CCDC141: variants seen among roughly 807,000 people sequenced by gnomAD.
CCDC141 encodes coiled-coil domain containing 141, also known as coiled-coil domain-containing protein 141.
In CCDC141, 168 loss-of-function variants were observed where a neutral mutation model predicts 181.0. The ratio of observed to expected loss-of-function variants is 0.93; its 90% CI spans 0.82 to 1.05. The LOEUF (loss-of-function observed/expected upper bound fraction) is 1.05. Among genes scored for constraint, CCDC141 ranks in the 50% least tolerant of loss-of-function variants. CCDC141 has a pLI of 0.00. For missense variants in CCDC141, 1,902 were observed against 1,788.5 expected, an observed-to-expected ratio of 1.06 and a Z score of -1.14; for synonymous variants, 666 against 642.3, an observed-to-expected ratio of 1.04 and a Z score of -0.56.
Position 178,884,984 on chromosome 2 carries a change from CT to C in CCDC141, c.1635del (p.Glu546AsnfsTer2). On this transcript the variant is annotated frameshift_variant, in exon 11 of 24. Transcript: ENST00000443758. LOFTEE classifies it high-confidence loss of function. ...SLSSKARWLA[E>X]ELNLFGQSID... ...ATGCTTTGGCCAAATAGGTTTAATT[CT>C]TCTGCTAGCCATCTAGCTTTAGAGG... 6.4e-7 allele frequency: 1 copy of C among 1,550,428 alleles called. No homozygotes were observed. Among genetic ancestry groups the C allele is most frequent in the Non-Finnish European group, 8.7e-7 (1 of 1,146,862 alleles).
At chr2:178,891,074 T>C (rs1687126150) in intron 8 of CCDC141, among the ~76,000 whole-genome samples, 1 of 152,182 alleles carries the variant, frequency 6.6e-6, no homozygotes, top group Non-Finnish European at 1.5e-5. Flanking sequence ...TCAAGTCTCT[T>C]TGCTACCTGA....
rs76989173 is a variant in CCDC141 at position 178,982,355 on chromosome 2, G to C, written c.226-3680C>G. Among the ~76,000 whole-genome samples, 742 of 152,228 alleles carry C rather than the reference G, an allele frequency of 4.9e-3. 9 individuals are homozygous for C. Among genetic ancestry groups the C allele is most frequent in the African/African-American group, 0.017 (712 of 41,534 alleles). On this transcript the variant is annotated intron_variant, in intron 2 of 23. Transcript: ENST00000443758. Reference sequence around the variant, plus strand: ...GAAATCAAGAATTCCACTTATAAGAGCATCAGAAAGAATAAAATACCTAGG... The same window carrying C: ...GAAATCAAGAATTCCACTTATAAGACCATCAGAAAGAATAAAATACCTAGG...
chr2:178,983,261 G>A (rs1320690786), intron 2 of CCDC141, among the ~76,000 whole-genome samples: 3 of 152,042 alleles, frequency 2.0e-5, no homozygotes, highest in Non-Finnish European at 2.9e-5. Context: ...GGTCCTGTCT[G>A]TTAGAAGGAA....
intron 2 of CCDC141, among the ~76,000 whole-genome samples, chr2:178,984,240 A>G (rs1691594249): frequency 6.7e-6 from 1 of 148,812 alleles, no homozygotes; most frequent in Non-Finnish European, 1.5e-5. Flanking sequence ...AGGAGAAATA[A>G]TATACTTTAC....
chr2:178,952,263 C>A (rs183447921), intron 5 of CCDC141, among the ~76,000 whole-genome samples: 1 of 152,088 alleles, frequency 6.6e-6, no homozygotes, highest in African/African-American at 2.4e-5. Flanking sequence ...TAGTGATTAT[C>A]CAGTAAAGCT....
At chr2:178,842,642 T>C (rs1684774325) in intron 22 of CCDC141, among the ~76,000 whole-genome samples, 1 of 152,224 alleles carries the variant, frequency 6.6e-6, no homozygotes, top group African/African-American at 2.4e-5. Context: ...GAAGGAACAC[T>C]ACAAGATTTT....
chr2:179,007,132 T>C (rs992805805), intron 2 of CCDC141, among the ~76,000 whole-genome samples: 1 of 152,186 alleles, frequency 6.6e-6, no homozygotes, highest in East Asian at 1.9e-4. Context: ...ACAGAATCTT[T>C]TCTGCTGAGG....
intron 5 of CCDC141, among the ~76,000 whole-genome samples, chr2:178,947,772 C>T (rs1008272880): frequency 3.3e-5 from 5 of 152,226 alleles, no homozygotes; most frequent in African/African-American, 9.6e-5. Flanking sequence ...CTGTCCAATA[C>T]GGTAGCCTCT....
chr2:178,871,510 C>T lies in CCDC141; in HGVS notation c.2122G>A (p.Val708Met), dbSNP rs1313323208. 6.2e-7 allele frequency: 1 copy of T among 1,614,008 alleles called. No individual in the cohort carries two copies. Among genetic ancestry groups the T allele is most frequent in the South Asian group, 1.1e-5 (1 of 91,052 alleles). ...CTCCCTCCGAGGTCAAGTGCAGACA[C>T]AGGCATAAGTGCTTCCTGAAGAAGT... ...LKLLQEALMP[V>M]SALDLGGSLQ... The change falls in exon 14 of 24, where the codon GTG (valine) becomes ATG (methionine). Residue 708 changes from valine to methionine, a missense_variant. Coordinates refer to ENST00000443758, the MANE Select transcript of CCDC141 (RefSeq NM_173648.4).
chr2:178,990,638 G>T (rs1440731544), intron 2 of CCDC141, among the ~76,000 whole-genome samples: 6 of 151,350 alleles, frequency 4.0e-5, no homozygotes, highest in Non-Finnish European at 8.8e-5. Flanking sequence ...TGGAAGGGAA[G>T]TGAGACCAAT....
chr2:178,837,533 G>T lies in CCDC141; in HGVS notation c.3686C>A (p.Pro1229Gln), dbSNP rs1400570928. Residue 1229 changes from proline (P) to glutamine (Q), a missense_variant, in exon 23 of 24, where the codon CCA (proline) becomes CAA (glutamine). Physicochemically the swap from Pro to Gln is moderately conservative, Grantham distance 76. Transcript: ENST00000443758. The stretch of plus-strand genomic sequence containing the variant: ...AGGCTCTTCCACCTCCATGTCAGAT[G>T]GTGCAAGAGGGGACTCAGGGCTTCC... ...LPGSPESPLA[P>Q]SDMEVEEPVS... 3.1e-6 allele frequency: 5 copies of T among 1,613,810 alleles called. No homozygotes were observed. The African/African-American group carries it at 6.7e-5, about 22-fold the overall frequency.
rs1156617396 is a variant in CCDC141, at chr2:179,049,827, GT to G, written c.102+12del. ...CCCACAGCCGCACAGAAAAAAGGAA[GT>G]TGTTAGCTTACCTTTATGACAGCTA... On this transcript the variant is annotated intron_variant, in intron 1 of 23. Coordinates refer to ENST00000443758, the MANE Select transcript of CCDC141 (RefSeq NM_173648.4). The G allele has an allele frequency of 6.4e-7, 1 of 1,550,540 alleles. No homozygotes were observed. Among genetic ancestry groups the G allele is most frequent in the East Asian group, 2.4e-5 (1 of 40,924 alleles).
rs1690386295 is a variant in CCDC141 at position 178,961,320 on chromosome 2, C to G, written c.690G>C (p.Arg230Ser). Residue 230 changes from arginine (R) to serine (S), a missense_variant, in exon 5 of 24, where the codon AGG becomes AGC. Arg to Ser is a moderately radical substitution (Grantham distance 110). Coordinates refer to ENST00000443758, the MANE Select transcript of CCDC141 (RefSeq NM_173648.4). ...VDRLLELLQDRRRQLDKYLKQ... is the reference protein window; with the variant it reads ...VDRLLELLQDSRRQLDKYLKQ... Reference sequence around the variant, plus strand: ...TCAAGTACTTGTCTAGTTGTCTTCTCCTGTCTTGTAGAAGTTCAAGAAGGC... The same window carrying G: ...TCAAGTACTTGTCTAGTTGTCTTCTGCTGTCTTGTAGAAGTTCAAGAAGGC... 1 of 1,550,524 alleles carries G rather than the reference C, an allele frequency of 6.4e-7. No homozygotes were observed. Among genetic ancestry groups the G allele is most frequent in the Non-Finnish European group, 8.7e-7 (1 of 1,146,930 alleles).
At chr2:178,993,483 G>A (rs540277609) in intron 2 of CCDC141, among the ~76,000 whole-genome samples, 1 of 152,194 alleles carries the variant, frequency 6.6e-6, no homozygotes, top group Non-Finnish European at 1.5e-5. Flanking sequence ...AACAGCACAG[G>A]GAAGACCTAA....
rs1553495348 is a variant in CCDC141, at chr2:178,981,657, T to TATATATATATATATAC, written c.226-2983_226-2982insGTATATATATATATAT. Among the ~76,000 whole-genome samples, 99 of 132,034 alleles carry TATATATATATATATAC rather than the reference T, an allele frequency of 7.5e-4. 2 individuals are homozygous for TATATATATATATATAC. The highest frequency in any genetic ancestry group is 7.6e-3 in the Middle Eastern group (2 of 264). The allele number at this position is 132,034 out of a possible 152,430, so 86.6% of individuals were successfully genotyped here. ...GTGTGTATATATATATATATATATATACATACATATATACATATATATATA... is the reference window on the plus strand; with the variant it reads ...GTGTGTATATATATATATATATATATATATATATATATATACACATACATATATACATATATATATA... On this transcript the variant is annotated intron_variant, in intron 2 of 23. Transcript: ENST00000443758.
intron 20 of CCDC141, among the ~76,000 whole-genome samples, chr2:178,851,531 G>C (rs1209694959): frequency 6.6e-6 from 1 of 152,152 alleles, no homozygotes; most frequent in Non-Finnish European, 1.5e-5. Context: ...TGTGTGCAGA[G>C]GGATGACCAC....
intron 2 of CCDC141, among the ~76,000 whole-genome samples, chr2:179,005,026 C>A (rs1443466925): frequency 2.0e-5 from 3 of 152,174 alleles, no homozygotes; most frequent in South Asian, 2.1e-4. Flanking sequence ...GCCACCGCCC[C>A]CGGCCTAAAG....
chr2:178,995,358 C>T (rs1334740627), intron 2 of CCDC141, among the ~76,000 whole-genome samples: 1 of 152,126 alleles, frequency 6.6e-6, no homozygotes, highest in Non-Finnish European at 1.5e-5. Context: ...TTAAAACCAT[C>T]AGATCTCATA....
chr2:178,941,853 G>A lies in CCDC141; in HGVS notation c.897+2682C>T, dbSNP rs1171417255. ...TGTGCAGCTGCAGTCCCAGGTGCTC[G>A]GGAGGCTGAGGTGGGAGAATCGCTT... On this transcript the variant is annotated intron_variant, in intron 6 of 23. Coordinates refer to ENST00000443758, the MANE Select transcript of CCDC141 (RefSeq NM_173648.4). 5.3e-5 allele frequency among the ~76,000 whole-genome samples: 8 copies of A among 150,588 alleles called. No homozygotes were observed. The East Asian group carries it at 5.9e-4, about 11-fold the overall frequency.
Sources: allele counts gnomAD v4.1 joint callset (sites outside exome capture counted in the v4.1 genomes callset), GRCh38; gene constraint gnomAD v4.1.1; transcripts MANE v1.5; gene names NCBI Gene and HGNC (gene_info 2026-07-23, HGNC 2026-07-21).